Variants in FBXW4 observed in about 807,000 individuals in gnomAD.
FBXW4 encodes the protein F-box and WD repeat domain containing 4, also known as F-box/WD repeat-containing protein 4.
In FBXW4, 40 loss-of-function variants were observed where a neutral mutation model predicts 61.8. The observed-to-expected ratio is 0.65, with a 90% CI of 0.50 to 0.84. The LOEUF is 0.84. Among genes scored for constraint, FBXW4 ranks in the 40% least tolerant of loss-of-function variants. FBXW4 has a pLI of 0.00. For synonymous variants in FBXW4, 311 were observed against 313.8 expected (o/e 0.99, Z 0.10); for missense variants, 672 against 753.8 (o/e 0.89, Z 1.27).
At chr10:101,673,884 C>T (rs745633412) in intron 2 of FBXW4, among the ~76,000 whole-genome samples, 2 of 152,180 alleles carry the variant, frequency 1.3e-5, no homozygotes, top group Non-Finnish European at 2.9e-5. Context: ...CTAAACTTCC[C>T]TGGACTTTGT....
At chr10:101,631,870 A>T (rs182018741) in intron 5 of FBXW4, among the ~76,000 whole-genome samples, 1 of 152,044 alleles carries the variant, frequency 6.6e-6, no homozygotes, top group Non-Finnish European at 1.5e-5. Flanking sequence ...CTTGTGATCC[A>T]CCCACCTTGG....
intron 1 of FBXW4, among the ~76,000 whole-genome samples, chr10:101,683,942 G>T (rs1430118136): frequency 6.6e-6 from 1 of 152,148 alleles, no homozygotes; most frequent in Non-Finnish European, 1.5e-5. Flanking sequence ...AAATGCTTGG[G>T]GCTTGGAATT....
chr10:101,685,866 C>T (rs747231796), intron 1 of FBXW4, among the ~76,000 whole-genome samples: 148 of 152,304 alleles, frequency 9.7e-4, no homozygotes, highest in Admixed American at 2.2e-3. Flanking sequence ...AAAACATGGT[C>T]CTCCCTTTGG....
chr10:101,685,391 C>T (rs1480530082), intron 1 of FBXW4, among the ~76,000 whole-genome samples: 1 of 152,146 alleles, frequency 6.6e-6, no homozygotes, highest in Admixed American at 6.5e-5. Context: ...ATAGCAGTAA[C>T]CCTGAATAAG....
At chr10:101,634,639 G>A (rs1298102926) in intron 5 of FBXW4, among the ~76,000 whole-genome samples, 1 of 148,162 alleles carries the variant, frequency 6.7e-6, no homozygotes, top group African/African-American at 2.5e-5. Flanking sequence ...CTTTAAGAGA[G>A]TAAAGAATGA....
In FBXW4 at chr10:101,611,425, A is replaced by T; in HGVS notation, c.1585-15T>A. 1 of 1,611,416 alleles carries T rather than the reference A, an allele frequency of 6.2e-7. No homozygotes were observed. On this transcript the variant is annotated splice_polypyrimidine_tract_variant and intron_variant, in intron 8 of 8. Transcript: ENST00000331272. The surrounding 1 kb of genome is among the most constrained non-coding windows in gnomAD (Gnocchi z 4.9). Reference sequence around the variant, plus strand: ...AGCGGGAAGGCCTGGAAGGGAGGGCACAGGAAGTGGTAAGAGCTTTCCAAG... The same window carrying T: ...AGCGGGAAGGCCTGGAAGGGAGGGCTCAGGAAGTGGTAAGAGCTTTCCAAG...
chr10:101,611,457 A>T lies in FBXW4; in HGVS notation c.1585-47T>A. On this transcript the variant is annotated intron_variant, in intron 8 of 8. Transcript: ENST00000331272. The surrounding 1 kb of genome is among the most constrained non-coding windows in gnomAD (Gnocchi z 4.9). The stretch of plus-strand genomic sequence containing the variant: ...GTGGTAAGAGCTTTCCAAGTGGGAC[A>T]TGGGTGTGCCCTAACCCAGGATCCC... 1 of 1,598,058 alleles carries T rather than the reference A, an allele frequency of 6.3e-7. No individual in the cohort carries two copies. The highest frequency in any genetic ancestry group is 1.1e-5 in the South Asian group (1 of 88,526).
At chr10:101,668,437 G>A (rs1452713284) in intron 4 of FBXW4, among the ~76,000 whole-genome samples, 2 of 152,180 alleles carry the variant, frequency 1.3e-5, no homozygotes, top group Admixed American at 1.3e-4. Context: ...GAATTAGGGA[G>A]AGAAGTAAAA....
At chr10:101,653,370 T>G (rs1391973575) in intron 5 of FBXW4, among the ~76,000 whole-genome samples, 1 of 152,176 alleles carries the variant, frequency 6.6e-6, no homozygotes, top group African/African-American at 2.4e-5. Flanking sequence ...AGTTCCCTAT[T>G]TTCCTCAAGT....
At chr10:101,627,223 T>A (rs1368702393) in intron 5 of FBXW4, among the ~76,000 whole-genome samples, 1 of 152,108 alleles carries the variant, frequency 6.6e-6, no homozygotes, top group Non-Finnish European at 1.5e-5. Flanking sequence ...TGCCTAGATG[T>A]GACATCTATA....
At chr10:101,623,923 G>C (rs545826578) in intron 6 of FBXW4, among the ~76,000 whole-genome samples, 48 of 152,150 alleles carry the variant, frequency 3.2e-4, no homozygotes, top group Admixed American at 5.9e-4. Flanking sequence ...AGGAATCAGG[G>C]ACAATGGGAA....
intron 5 of FBXW4, among the ~76,000 whole-genome samples, chr10:101,666,657 AG>A (rs2134883712): frequency 6.6e-6 from 1 of 152,344 alleles, no homozygotes; most frequent in South Asian, 2.1e-4. Flanking sequence ...GTGATAGAAC[AG>A]GTACAGGAGA....
intron 5 of FBXW4, among the ~76,000 whole-genome samples, chr10:101,640,484 C>CTTTTTTTTTTTTTTTTTTTT (rs386372272): frequency 3.6e-5 from 3 of 83,874 alleles, no homozygotes; most frequent in East Asian, 4.1e-4. Flanking sequence ...CTTTCTTTCT[C>CTTTTTTTTTTTTTTTTTTTT]TTTTTTTTTT....
At position 101,676,446 on chromosome 10, in the gene FBXW4, G is replaced by A. The variant is rs1165237379; in HGVS notation, c.726-10C>T. On this transcript the variant is annotated splice_polypyrimidine_tract_variant and intron_variant, in intron 1 of 8. Transcript: ENST00000331272. Reference sequence around the variant, plus strand: ...TGGGACACTGGTCATCCTATGTCCAGACAGAACAGATAATCCAATCACTAC... The same window carrying A: ...TGGGACACTGGTCATCCTATGTCCAAACAGAACAGATAATCCAATCACTAC... 1.9e-6 allele frequency: 3 copies of A among 1,605,376 alleles called. No homozygotes were observed. Among genetic ancestry groups the A allele is most frequent in the South Asian group, 1.1e-5 (1 of 90,612 alleles).
intron 5 of FBXW4, among the ~76,000 whole-genome samples, chr10:101,629,541 C>T (rs756597159): frequency 8.5e-5 from 13 of 152,174 alleles, no homozygotes; most frequent in South Asian, 4.1e-4. Flanking sequence ...ACCTTGGCCT[C>T]GCAAAGTTCT....
chr10:101,678,474 G>T (rs1400984850), intron 1 of FBXW4, among the ~76,000 whole-genome samples: 1 of 152,206 alleles, frequency 6.6e-6, no homozygotes, highest in Non-Finnish European at 1.5e-5. Flanking sequence ...CACCCAGGCT[G>T]GAGTGCAGTG....
At chr10:101,655,541 A>G (rs2064177834) in intron 5 of FBXW4, among the ~76,000 whole-genome samples, 1 of 152,204 alleles carries the variant, frequency 6.6e-6, no homozygotes, top group Non-Finnish European at 1.5e-5. Flanking sequence ...TCTCACCATC[A>G]TGCCCAGCTG....
intron 1 of FBXW4, among the ~76,000 whole-genome samples, chr10:101,681,574 A>T (rs1328259839): frequency 6.7e-6 from 1 of 150,214 alleles, no homozygotes; most frequent in Non-Finnish European, 1.5e-5. Flanking sequence ...AAAATTAGCC[A>T]GGCGTGGTGG....
chr10:101,672,670 C>T (rs935215283), intron 4 of FBXW4, among the ~76,000 whole-genome samples: 3 of 152,140 alleles, frequency 2.0e-5, no homozygotes, highest in Non-Finnish European at 4.4e-5. Context: ...TTTGAGTTCA[C>T]GCCACATTGC....
Sources: gnomAD v4.1 joint callset for allele counts (sites outside exome capture counted in the v4.1 genomes callset) on GRCh38, gnomAD v4.1.1 for gene constraint, Gnocchi (gnomAD v3.1) non-coding constraint, MANE v1.5 for transcripts, NCBI Gene and HGNC (gene_info 2026-07-23, HGNC 2026-07-21) for gene names.